The following ANKS1B variants were observed in gnomAD, a reference collection of about 807,000 sequenced individuals.
The protein encoded by ANKS1B is ankyrin repeat and sterile alpha motif domain containing 1B.
A neutral mutation model predicts 148.3 loss-of-function variants in ANKS1B; 36 were observed. That is an observed-to-expected ratio of 0.24 (90% confidence interval 0.19 to 0.32). ANKS1B has a LOEUF of 0.32. Among genes scored for constraint, ANKS1B ranks in the 10% least tolerant of loss-of-function variants. ANKS1B has a pLI of 1.00. For synonymous variants in ANKS1B, 542 were observed against 560.8 expected (o/e 0.97, Z 0.47); for missense variants, 1,157 against 1,542.6 (o/e 0.75, Z 4.19).
chr12:99,682,670 G>A lies in ANKS1B; in HGVS notation c.1129-27460C>T, dbSNP rs547902067. On this transcript the variant is annotated intron_variant, in intron 8 of 26. Coordinates refer to ENST00000683438, the MANE Select transcript of ANKS1B (RefSeq NM_001352186.2). ...CAAAGAGTCTGAAAGAGCACATATAGACAATCTAAGGTCACACTTCAAGGA... is the reference window on the plus strand; with the variant it reads ...CAAAGAGTCTGAAAGAGCACATATAAACAATCTAAGGTCACACTTCAAGGA... 2.2e-4 allele frequency among the ~76,000 whole-genome samples: 34 copies of A among 152,148 alleles called. No homozygotes were observed. In the South Asian group the frequency reaches 4.1e-3, roughly 19 times the overall value.
At chr12:98,806,454 A>AGG (rs2099051574) in intron 20 of ANKS1B, among the ~76,000 whole-genome samples, 2 of 152,202 alleles carry the variant, frequency 1.3e-5, no homozygotes, top group East Asian at 3.8e-4. Context: ...CTTAATGAAA[A>AGG]ACTAAAATGA....
At chr12:99,209,266 T>G (rs922692859) in intron 14 of ANKS1B, among the ~76,000 whole-genome samples, 2 of 152,202 alleles carry the variant, frequency 1.3e-5, no homozygotes, top group African/African-American at 4.8e-5. Context: ...ATGTAAATAA[T>G]CAGGCCAAGT....
chr12:99,044,324 A>T (rs902036531), intron 17 of ANKS1B, among the ~76,000 whole-genome samples: 1 of 152,214 alleles, frequency 6.6e-6, no homozygotes, highest in African/African-American at 2.4e-5. Context: ...TAAGTGGGCA[A>T]AATACAGGGA....
At chr12:99,129,265 C>T (rs2065357854) in intron 15 of ANKS1B, among the ~76,000 whole-genome samples, 1 of 152,168 alleles carries the variant, frequency 6.6e-6, no homozygotes, top group Admixed American at 6.6e-5. Context: ...ACTCAGAGTT[C>T]CAGAGGGAAG....
intron 11 of ANKS1B, among the ~76,000 whole-genome samples, chr12:99,421,938 CTT>C (rs1326776747): frequency 6.6e-6 from 1 of 152,106 alleles, no homozygotes; most frequent in Admixed American, 6.5e-5. Context: ...CACTCTCTCT[CTT>C]GCTCCTGCTT....
chr12:99,354,290 T>G (rs528762987), intron 12 of ANKS1B, among the ~76,000 whole-genome samples: 1 of 152,042 alleles, frequency 6.6e-6, no homozygotes, highest in African/African-American at 2.4e-5. Flanking sequence ...TGGGTTCTAC[T>G]CCACATACTC....
intron 11 of ANKS1B, among the ~76,000 whole-genome samples, chr12:99,442,534 T>C (rs1328521536): frequency 6.6e-6 from 1 of 151,750 alleles, no homozygotes; most frequent in African/African-American, 2.4e-5. Flanking sequence ...AAACTCCAAA[T>C]CAGTTGGACA....
Position 98,745,801 on chromosome 12 carries a change from C to G in ANKS1B, c.3796G>C (p.Val1266Leu). 2.5e-6 allele frequency: 4 copies of G among 1,613,738 alleles called. No individual in the cohort carries two copies. The highest frequency in any genetic ancestry group is 3.4e-6 in the Non-Finnish European group (4 of 1,179,776). The change falls in exon 27 of 27, where the codon GTG becomes CTG. Residue 1266 changes from valine to leucine, a missense_variant. This residue lies in a region of ANKS1B where 46 missense variants were observed against 62.0 expected (regional missense o/e 0.74). Transcript: ENST00000683438. ...QKTLANLPWI[V>L]EPGQEAKRGI... is the part of the protein sequence containing the mutation. Reference sequence around the variant, plus strand: ...CTCTTGGCTTCTTGGCCCGGCTCCACAATCCACGGTAGATTGGCCAGAGTC... The same window carrying G: ...CTCTTGGCTTCTTGGCCCGGCTCCAGAATCCACGGTAGATTGGCCAGAGTC...
At chr12:98,919,312 T>A (rs1286881755) in intron 17 of ANKS1B, among the ~76,000 whole-genome samples, 1 of 152,186 alleles carries the variant, frequency 6.6e-6, no homozygotes, top group African/African-American at 2.4e-5. Flanking sequence ...GTGTTAATGT[T>A]TGTTCCCCAG....
chr12:99,053,465 A>T (rs2099967543), intron 16 of ANKS1B, among the ~76,000 whole-genome samples, 156 bp from the exon 17 acceptor site: 1 of 152,268 alleles, frequency 6.6e-6, no homozygotes, highest in Non-Finnish European at 1.5e-5. Flanking sequence ...GTGTTTTCAC[A>T]ATTCTAAAAC....
chr12:98,857,217 T>G (rs2099576483), intron 17 of ANKS1B, among the ~76,000 whole-genome samples: 1 of 152,176 alleles, frequency 6.6e-6, no homozygotes, highest in Non-Finnish European at 1.5e-5. Context: ...GGTGAGGATA[T>G]TTTAAGCGAG....
chr12:99,515,183 ACC>A (rs1175058410), intron 9 of ANKS1B, among the ~76,000 whole-genome samples: 1 of 128,854 alleles, frequency 7.8e-6, no homozygotes, highest in African/African-American at 5.1e-5. Flanking sequence ...GTCCAATTAT[ACC>A]CTTTTAGTTA....
Position 99,876,309 on chromosome 12 carries a change from T to G in ANKS1B, c.135-50920A>C, listed in dbSNP as rs116005298. Among the ~76,000 whole-genome samples, 308 of 152,248 alleles carry G rather than the reference T, an allele frequency of 2.0e-3. 2 individuals are homozygous for G. The highest frequency in any genetic ancestry group is 7.2e-3 in the African/African-American group (300 of 41,534). On this transcript the variant is annotated intron_variant, in intron 1 of 26. Transcript: ENST00000683438. ...GATGTAACAGAAAAATTGCACAAAG[T>G]TGTGCAGCACCCAAAAGCAAGACCC... is the stretch of plus-strand genomic sequence containing the variant.
intron 14 of ANKS1B, chr12:99,155,162 A>G (rs1013790703): frequency 7.7e-6 from 11 of 1,432,174 alleles, no homozygotes; most frequent in Admixed American, 5.4e-5. Context: ...ATAGCTTATA[A>G]CAGAGCTCAC....
chr12:99,575,749 A>G (rs994491198), intron 9 of ANKS1B, among the ~76,000 whole-genome samples: 2 of 152,030 alleles, frequency 1.3e-5, no homozygotes, highest in East Asian at 1.9e-4. Flanking sequence ...TCAAGATGAG[A>G]TTTGGGTGGG....
chr12:99,273,756 T>C (rs1476724850), intron 12 of ANKS1B, among the ~76,000 whole-genome samples: 2 of 151,970 alleles, frequency 1.3e-5, no homozygotes, highest in East Asian at 3.9e-4. Flanking sequence ...TTTTGTATTT[T>C]TTGTATTTTT....
intron 1 of ANKS1B, among the ~76,000 whole-genome samples, chr12:99,910,631 G>A (rs1358452376): frequency 6.6e-6 from 1 of 152,130 alleles, no homozygotes; most frequent in East Asian, 1.9e-4. Flanking sequence ...TTAGACTGTG[G>A]TAGTGGTTTC....
chr12:99,879,744 TTTTG>T (rs747297015), intron 1 of ANKS1B, among the ~76,000 whole-genome samples: 102 of 152,356 alleles, frequency 6.7e-4, no homozygotes, highest in African/African-American at 2.3e-3. Context: ...TACCTGTTGC[TTTTG>T]TTTGTTTGTT....
intron 19 of ANKS1B, among the ~76,000 whole-genome samples, chr12:98,814,717 T>C (rs192965866): frequency 5.9e-5 from 9 of 152,352 alleles, no homozygotes; most frequent in Admixed American, 2.6e-4. Context: ...CCCTGTCACA[T>C]ATATTGCAAA....
Sources: allele counts gnomAD v4.1 joint callset (sites outside exome capture counted in the v4.1 genomes callset), GRCh38; gene constraint gnomAD v4.1.1; regional missense constraint gnomAD v4.1.1; transcripts MANE v1.5; gene names NCBI Gene and HGNC (gene_info 2026-07-23, HGNC 2026-07-21).